MMEL1: variants seen among roughly 807,000 people sequenced by gnomAD.
The protein encoded by MMEL1 is membrane metalloendopeptidase like 1.
A neutral mutation model predicts 117.1 loss-of-function variants in MMEL1; 98 were observed. The observed-to-expected ratio is 0.84, with a 90% confidence interval of 0.71 to 0.99. The LOEUF is 0.99. MMEL1 is among the 50% of genes least tolerant of loss of function. MMEL1 has a pLI of 0.00. For synonymous variants in MMEL1, 390 were observed against 415.1 expected, an observed-to-expected ratio of 0.94 and a Z score of 0.74; for missense variants, 1,014 against 1,049.1, an observed-to-expected ratio of 0.97 and a Z score of 0.46.
intron 6 of MMEL1, among the ~76,000 whole-genome samples, chr1:2,608,276 C>T (rs890105907): frequency 6.6e-6 from 1 of 152,128 alleles, no homozygotes; most frequent in Non-Finnish European, 1.5e-5. Context: ...TGGTGCTCAG[C>T]GGAGAAGCTG....
intron 6 of MMEL1, among the ~76,000 whole-genome samples, chr1:2,608,106 A>G (rs1439583227): frequency 6.6e-6 from 1 of 152,126 alleles, no homozygotes; most frequent in Non-Finnish European, 1.5e-5. Flanking sequence ...ATTGCCCAGA[A>G]TGGGGGCCCA....
rs751735070 is a variant in MMEL1, at chr1:2,596,635, C to T, written c.1327G>A (p.Val443Ile). 35 of 1,613,078 alleles carry T rather than the reference C, an allele frequency of 2.2e-5. No homozygotes were observed. The highest frequency in any genetic ancestry group is 8.3e-5 in the Admixed American group (5 of 60,000). The change falls in exon 14 of 24, where the codon GTC becomes ATC. Residue 443 changes from valine (V) to isoleucine (I), a missense_variant. Physicochemically the swap from Val to Ile is conservative, Grantham distance 29 (BLOSUM62 3). Transcript: ENST00000378412. The part of the protein sequence containing the change: ...EVRWRECVGY[V>I]NSNMENAVGS... ...ACGGCGTTCTCCATGTTGCTGTTGA[C>T]GTAGCCCACACATTCACGCCAGCGC...
intron 11 of MMEL1, among the ~76,000 whole-genome samples, chr1:2,599,847 A>G (rs2100934860): frequency 8.0e-6 from 1 of 124,534 alleles, no homozygotes; most frequent in South Asian, 2.7e-4. Flanking sequence ...ACAGAGCAAG[A>G]CTTTGTCTCA....
intron 4 of MMEL1, 75 bp downstream of exon 4, chr1:2,611,206 C>G (rs1645120804): frequency 7.0e-7 from 1 of 1,431,284 alleles, no homozygotes; most frequent in African/African-American, 1.4e-5. Flanking sequence ...GGGCCTTGGG[C>G]GGGGCCTACG....
At position 2,605,576 on chromosome 1, in the gene MMEL1, G is replaced by T. The variant is rs576993818; in HGVS notation, c.798C>A (p.Asn266Lys). The change falls in exon 9 of 24, where the codon AAC (asparagine) becomes AAA (lysine). Residue 266 changes from asparagine (N) to lysine (K), a missense_variant. By Grantham distance (94) the Asn-to-Lys change is moderately conservative (BLOSUM62 0). Transcript: ENST00000378412. The part of the protein sequence containing the change: ...LGMPSREYYF[N>K]GGSNRKVREA... ...CACCCACCTTCCGGTTGCTGCCGCC[G>T]TTGAAGTAGTACTCTCGGGAGGGCA... 1 of 1,612,850 alleles carries T rather than the reference G, an allele frequency of 6.2e-7. No homozygotes were observed. The highest frequency in any genetic ancestry group is 1.7e-5 in the Admixed American group (1 of 59,964).
intron 2 of MMEL1, among the ~76,000 whole-genome samples, chr1:2,627,453 T>A (rs1638328855): frequency 6.6e-6 from 1 of 152,204 alleles, no homozygotes. Flanking sequence ...ATCTAGTGGA[T>A]GTAGATAGAC....
At chr1:2,613,840 G>C (rs1216916357) in intron 2 of MMEL1, among the ~76,000 whole-genome samples, 3 of 152,074 alleles carry the variant, frequency 2.0e-5, no homozygotes, top group Admixed American at 6.5e-5. Flanking sequence ...GACAGAGTGA[G>C]ACCCTGTCTC....
intron 1 of MMEL1, among the ~76,000 whole-genome samples, chr1:2,630,386 G>A (rs1037602824): frequency 1.4e-4 from 21 of 152,324 alleles, no homozygotes; most frequent in South Asian, 4.1e-4. Flanking sequence ...ATGTATGATC[G>A]TGTACACACA....
In MMEL1 at chr1:2,596,087, C is replaced by T. The variant is rs1357706750; in HGVS notation, c.1422G>A (p.Lys474=). Residue 474 remains lysine, a synonymous_variant, in exon 15 of 24, where the codon AAG becomes AAA. Transcript: ENST00000378412. ...SKSMVRELID[K]VRTVFVETLD... is the part of the protein sequence containing the mutation. ...GCGTCTCCACAAACACTGTCCGCAC[C>T]TTGTCAATGAGTTCTCTGACCTGGG... 6.2e-7 allele frequency: 1 copy of T among 1,614,014 alleles called. No individual in the cohort carries two copies. Among genetic ancestry groups the T allele is most frequent in the African/African-American group, 1.3e-5 (1 of 75,030 alleles).
Position 2,604,135 on chromosome 1 carries a change from C to CCCCCCCCCAAAAAT in MMEL1, c.951+11_951+12insATTTTTGGGGGGGG. The CCCCCCCCCAAAAAT allele has an allele frequency of 4.6e-6, 7 of 1,520,160 alleles. No homozygotes were observed. The highest frequency in any genetic ancestry group is 6.4e-6 in the Non-Finnish European group (7 of 1,100,352). The allele number at this position is 1,520,160 out of a possible 1,614,324, so 94.2% of individuals were successfully genotyped here. On this transcript the variant is annotated intron_variant, in intron 10 of 23. Transcript: ENST00000378412. ...CTCGCTGCCCGCTCCCCACCCGCCCCGGCCCCCTTACCTTGGCCAGCTGTG... is the reference window on the plus strand; with the variant it reads ...CTCGCTGCCCGCTCCCCACCCGCCCCCCCCCCCCAAAAATGGCCCCCTTACCTTGGCCAGCTGTG...
At chr1:2,602,726 T>C (rs1186250653) in intron 11 of MMEL1, among the ~76,000 whole-genome samples, 1 of 152,056 alleles carries the variant, frequency 6.6e-6, no homozygotes, top group Non-Finnish European at 1.5e-5. Context: ...CTACTCCATC[T>C]CTCTCTAGCC....
chr1:2,629,381 AG>A lies in MMEL1; in HGVS notation c.103del (p.Leu35TrpfsTer2). The A allele has an allele frequency of 7.7e-7, 1 of 1,306,920 alleles. No homozygotes were observed. Among genetic ancestry groups the A allele is most frequent in the East Asian group, 3.2e-5 (1 of 31,296 alleles). 81.0% of individuals were successfully genotyped at this position (1,306,920 alleles called of 1,614,324 possible). ...CAAGGCCACCAGGGCAGCGGTCACC[AG>A]CAGCAGCAGCAGCAGCAGCCCCCCC... Reference protein sequence around the residue: ...LEGGLLLLLLLVTAALVALGV... With the variant: ...LEGGLLLLLLXVTAALVALGV... On this transcript the variant is annotated frameshift_variant, in exon 2 of 24. Transcript: ENST00000378412. LOFTEE classifies it high-confidence loss of function.
chr1:2,630,849 T>C (rs911373571), intron 1 of MMEL1, among the ~76,000 whole-genome samples: 2 of 151,220 alleles, frequency 1.3e-5, no homozygotes, highest in Non-Finnish European at 2.9e-5. Flanking sequence ...GATATGCACC[T>C]GTGTGCGTGT....
At chr1:2,631,791 C>T (rs1333605767) in intron 1 of MMEL1, among the ~76,000 whole-genome samples, 2 of 152,150 alleles carry the variant, frequency 1.3e-5, no homozygotes, top group African/African-American at 2.4e-5. Context: ...CCACACCCCG[C>T]GCCAGTCCTC....
chr1:2,593,970 T>G, intron 18 of MMEL1, 37 bp from the exon 19 acceptor site: 1 of 1,557,446 alleles, frequency 6.4e-7, no homozygotes, highest in South Asian at 1.2e-5. Context: ...AAGCTGTGAG[T>G]GGACACATCT....
intron 2 of MMEL1, 71 bp downstream of exon 2, chr1:2,629,260 G>T: frequency 6.9e-7 from 1 of 1,453,892 alleles, no homozygotes; most frequent in South Asian, 1.3e-5. Context: ...GGCGGACCCT[G>T]CAGCAGGTGC....
Position 2,592,041 on chromosome 1 carries a change from A to C in MMEL1, c.2068-14T>G, listed in dbSNP as rs1285746250. On this transcript the variant is annotated splice_polypyrimidine_tract_variant and intron_variant, in intron 21 of 23. Transcript: ENST00000378412. The stretch of plus-strand genomic sequence containing the variant: ...CTTGAGGTAGGCCTGCAGGCACCAG[A>C]CAGGAGCTGAGCTCAGGCCTGCCAG... The C allele has an allele frequency of 6.2e-7, 1 of 1,609,206 alleles. No homozygotes were observed. The highest frequency in any genetic ancestry group is 1.3e-5 in the African/African-American group (1 of 74,920).
intron 2 of MMEL1, among the ~76,000 whole-genome samples, chr1:2,617,400 C>T (rs2100956802): frequency 7.1e-6 from 1 of 140,440 alleles, no homozygotes; most frequent in South Asian, 2.2e-4. Flanking sequence ...GCACTCCAGC[C>T]TGGGCGACAG....
rs375598368 is a variant in MMEL1 at position 2,606,419 on chromosome 1, C to T, written c.632-53G>A. On this transcript the variant is annotated intron_variant, in intron 7 of 23. Coordinates refer to ENST00000378412, the MANE Select transcript of MMEL1 (RefSeq NM_033467.4). The stretch of plus-strand genomic sequence containing the variant: ...ACTGGCGGGCCCTGGGGCCCCAGCC[C>T]GGCCCCTTGTCGGTGAATCTGGCCT... The T allele has an allele frequency of 3.4e-4, 487 of 1,436,368 alleles. 2 individuals carry two copies. The highest frequency in any genetic ancestry group is 2.2e-3 in the South Asian group (186 of 86,390). 89.0% of individuals were successfully genotyped at this position (1,436,368 alleles called of 1,614,324 possible).
Sources: allele counts gnomAD v4.1 joint callset (sites outside exome capture counted in the v4.1 genomes callset), GRCh38; gene constraint gnomAD v4.1.1; transcripts MANE v1.5; gene names NCBI Gene and HGNC (gene_info 2026-07-23, HGNC 2026-07-21).